Variants in CNOT1 observed in about 807,000 individuals in gnomAD.
CNOT1 encodes the protein CCR4-NOT transcription complex subunit 1, also known as CCR4-associated factor 1.
Under a neutral mutation model 273.8 loss-of-function variants are expected in CNOT1, and 15 were observed. The observed-to-expected ratio is 0.05, with a 90% CI of 0.04 to 0.08. The LOEUF (loss-of-function observed/expected upper bound fraction) is 0.08, where lower values mean the gene tolerates loss of function less well. Ranked by LOEUF, CNOT1 falls within the 10% of genes least tolerant of loss-of-function variation. The pLI, the probability that CNOT1 is intolerant of heterozygous loss-of-function variation, is 1.00. For missense variants in CNOT1, 1,644 were observed against 2,912.2 expected (o/e 0.56, Z 10.02); for synonymous variants, 1,022 against 1,005.5 (o/e 1.02, Z -0.31).
At chr16:58,581,569 C>G (rs925868887) in intron 10 of CNOT1, 54 bp from the exon 11 acceptor site, 6 of 1,476,846 alleles carry the variant, frequency 4.1e-6, no homozygotes, top group Middle Eastern at 1.8e-4. Context: ...TATTTTGATA[C>G]ATTATCCAAA....
intron 16 of CNOT1, among the ~76,000 whole-genome samples, chr16:58,565,461 T>C (rs906837532): frequency 2.6e-5 from 4 of 152,128 alleles, no homozygotes; most frequent in African/African-American, 7.2e-5. Context: ...TACATAGCCA[T>C]GTAAAATCAA....
intron 21 of CNOT1, among the ~76,000 whole-genome samples, chr16:58,554,376 A>C (rs1764218608): frequency 6.6e-6 from 1 of 152,176 alleles, no homozygotes; most frequent in Non-Finnish European, 1.5e-5. Context: ...CTTGGGAGAT[A>C]ATGAAAATAT....
intron 1 of CNOT1, among the ~76,000 whole-genome samples, chr16:58,622,649 C>A (rs964278737): frequency 2.6e-5 from 4 of 151,702 alleles, no homozygotes; most frequent in African/African-American, 9.7e-5. Context: ...GAGTTTGAGA[C>A]CAGCCTGGCG....
At chr16:58,538,375 T>C (rs952425716) in intron 36 of CNOT1, 109 bp from the exon 37 acceptor site, 2 of 671,414 alleles carry the variant, frequency 3.0e-6, no homozygotes, top group Non-Finnish European at 5.3e-6. Flanking sequence ...GAGATTCAAC[T>C]CCAAATCAGT....
rs1475844769 is a variant in CNOT1 at position 58,583,334 on chromosome 16, G to A, written c.807-152C>T. 6 of 1,424,412 alleles carry A rather than the reference G, an allele frequency of 4.2e-6. No individual in the cohort carries two copies. In the Admixed American group the frequency reaches 1.1e-4, roughly 27 times the overall value. 88.2% of individuals were successfully genotyped at this position (1,424,412 alleles called of 1,614,324 possible). ...TGTTATTTCTTGTTACATTTATACA[G>A]CTAGGAATGTAAAAACCATCTACTT... On this transcript the variant is annotated intron_variant, in intron 8 of 48. Transcript: ENST00000317147.
Position 58,547,063 on chromosome 16 carries a change from T to A in CNOT1, c.3750+123A>T. 1 of 1,332,770 alleles carries A rather than the reference T, an allele frequency of 7.5e-7. No homozygotes were observed. Among genetic ancestry groups the A allele is most frequent in the Non-Finnish European group, 1.0e-6 (1 of 994,506 alleles). 82.6% of individuals were successfully genotyped at this position (1,332,770 alleles called of 1,614,324 possible). A position where few individuals can be genotyped will look rare whatever the true frequency, so the allele number is the denominator to read the frequency against. On this transcript the variant is annotated intron_variant, in intron 27 of 48. Transcript: ENST00000317147. The surrounding 1 kb of genome is among the most constrained non-coding windows in gnomAD (Gnocchi z 4.0). ...TCTCAAATTGGAAATCCAAGTGCCA[T>A]AGAGGAAAACAGACTTAACTAGCTT...
At chr16:58,558,969 G>C (rs2040736943) in intron 17 of CNOT1, among the ~76,000 whole-genome samples, 1 of 152,160 alleles carries the variant, frequency 6.6e-6, no homozygotes, top group Admixed American at 6.5e-5. Flanking sequence ...TAGAATATTT[G>C]CATATACATA....
chr16:58,588,962 G>GT (rs556164957), intron 2 of CNOT1, 56 bp from the exon 3 acceptor site: 68 of 1,467,052 alleles, frequency 4.6e-5, no homozygotes, highest in Non-Finnish European at 6.0e-5. Flanking sequence ...AAAAAAAAAA[G>GT]TAAGGTTTCA....
chr16:58,525,941 G>C, intron 45 of CNOT1, 48 bp downstream of exon 45: 2 of 1,554,062 alleles, frequency 1.3e-6, no homozygotes, highest in African/African-American at 2.7e-5. Context: ...TACATAGAAA[G>C]TGCTTTATAT....
At chr16:58,555,157 GAGA>G in intron 21 of CNOT1, 91 bp downstream of exon 21, 1 of 1,522,264 alleles carries the variant, frequency 6.6e-7, no homozygotes, top group Non-Finnish European at 8.8e-7. Flanking sequence ...GCAGTGAGCC[GAGA>G]TTGCGCCACT....
At chr16:58,584,739 A>ATGTGATT (rs2041777835) in intron 8 of CNOT1, among the ~76,000 whole-genome samples, 1 of 152,178 alleles carries the variant, frequency 6.6e-6, no homozygotes, top group Non-Finnish European at 1.5e-5. Context: ...CTCAGTGAGA[A>ATGTGATT]TGTGATTTGT....
At chr16:58,601,340 G>A (rs933621955) in intron 1 of CNOT1, among the ~76,000 whole-genome samples, 21 of 152,092 alleles carry the variant, frequency 1.4e-4, no homozygotes, top group Middle Eastern at 3.4e-3. Flanking sequence ...CTTGTGATCC[G>A]CCCGCCTCGG....
At chr16:58,543,929 AACACCTTGTTTAAATAAG>A (rs2040172294) in intron 30 of CNOT1, 26 bp from the exon 31 acceptor site, 1 of 1,566,962 alleles carries the variant, frequency 6.4e-7, no homozygotes, top group African/African-American at 1.4e-5. Flanking sequence ...GGACAAAGTC[AACACCTTGTTTAAATAAG>A]ACAATCCAAT....
intron 1 of CNOT1, among the ~76,000 whole-genome samples, chr16:58,599,983 A>G (rs2042404576): frequency 6.6e-6 from 1 of 151,834 alleles, no homozygotes; most frequent in South Asian, 2.1e-4. Flanking sequence ...GGACCGCTTG[A>G]AACTAGGAGG....
In CNOT1 at chr16:58,539,893, G is replaced by A; in HGVS notation, c.4867C>T (p.Leu1623=). ...DKCITELEQH[L]HAIPPTLAMN... ...GCCAAAGTTGGTGGGATGGCATGTA[G>A]ATGTTGCTCCAGTTCTGTAATACAC... The change falls in exon 35 of 49, where the codon CTA becomes TTA. Residue 1623 remains leucine, a synonymous_variant. Transcript: ENST00000317147. 2 of 1,614,186 alleles carry A rather than the reference G, an allele frequency of 1.2e-6. No individual in the cohort carries two copies. The highest frequency in any genetic ancestry group is 1.7e-6 in the Non-Finnish European group (2 of 1,180,028).
chr16:58,538,408 T>A, intron 36 of CNOT1, 142 bp from the exon 37 acceptor site: 1 of 640,168 alleles, frequency 1.6e-6, no homozygotes, highest in Non-Finnish European at 2.8e-6. Context: ...AAACAGCCAG[T>A]AATGAAATAG....
At chr16:58,581,684 CAG>C (rs1226076210) in intron 10 of CNOT1, among the ~76,000 whole-genome samples, 169 bp from the exon 11 acceptor site, 2 of 150,660 alleles carry the variant, frequency 1.3e-5, no homozygotes, top group African/African-American at 4.9e-5. Flanking sequence ...TTTTTTAAGA[CAG>C]AGTCTCACTC....
Position 58,609,866 on chromosome 16 carries a change from TATA to T in CNOT1, c.-174-10358_-174-10356del, listed in dbSNP as rs1205565212. Reference sequence around the variant, plus strand: ...TGATATATATATATATCATATTATATATAATAATACATTAACATATATAATAAT... The same window carrying T: ...TGATATATATATATATCATATTATATATAATACATTAACATATATAATAAT... On this transcript the variant is annotated intron_variant, in intron 1 of 48. Coordinates refer to ENST00000317147, the MANE Select transcript of CNOT1 (RefSeq NM_016284.5). Among the ~76,000 whole-genome samples, 10 of 150,232 alleles carry T rather than the reference TATA, an allele frequency of 6.7e-5. No individual in the cohort carries two copies. The South Asian group carries it at 1.9e-3, about 28-fold the overall frequency.
At position 58,520,603 on chromosome 16, in the gene CNOT1, CA is replaced by C. The variant is rs2039337148; in HGVS notation, c.*354del. The C allele has an allele frequency of 3.9e-6, 1 of 253,756 alleles. No homozygotes were observed. The highest frequency in any genetic ancestry group is 2.2e-5 in the African/African-American group (1 of 46,000). 15.7% of individuals were successfully genotyped at this position (253,756 alleles called of 1,614,324 possible). ...ATGGAGCTATGCCCTCAGACAAGTG[CA>C]TGGCATCAGCTGCCTCTTCATTACA... is the stretch of plus-strand genomic sequence containing the variant. On this transcript the variant is annotated 3_prime_UTR_variant, in exon 49 of 49. Coordinates refer to ENST00000317147, the MANE Select transcript of CNOT1 (RefSeq NM_016284.5).
Sources: allele counts gnomAD v4.1 joint callset (sites outside exome capture counted in the v4.1 genomes callset), GRCh38; gene constraint gnomAD v4.1.1; non-coding constraint Gnocchi (gnomAD v3.1); transcripts MANE v1.5; gene names NCBI Gene and HGNC (gene_info 2026-07-23, HGNC 2026-07-21).